ZFHX3: variants seen among roughly 807,000 people sequenced by gnomAD.
The protein encoded by ZFHX3 is zinc finger homeobox protein 3.
Under a neutral mutation model 279.1 loss-of-function variants are expected in ZFHX3, and 42 were observed. The ratio of observed to expected loss-of-function variants is 0.15; its 90% CI spans 0.12 to 0.19. The LOEUF is 0.19. Among genes scored for constraint, ZFHX3 ranks in the 10% least tolerant of loss-of-function variants. The probability of loss-of-function intolerance (pLI) is 1.00; values close to 1 mark genes in which losing one functional copy is unlikely to be tolerated. For missense variants in ZFHX3, 4,981 were observed against 4,754.0 expected (o/e 1.05, Z -1.40); for synonymous variants, 2,293 against 1,957.8 (o/e 1.17, Z -4.52).
intron 1 of ZFHX3, among the ~76,000 whole-genome samples, chr16:73,689,725 T>C (rs1427383791): frequency 6.6e-6 from 1 of 152,250 alleles, no homozygotes; most frequent in African/African-American, 2.4e-5. Context: ...CCTGGGGTTA[T>C]TAATTTTCTT....
chr16:73,569,166 G>A (rs1472947201), intron 2 of ZFHX3, among the ~76,000 whole-genome samples: 1 of 152,100 alleles, frequency 6.6e-6, no homozygotes, highest in Non-Finnish European at 1.5e-5. Flanking sequence ...TTATAAGAAA[G>A]GAGAAAATGG....
chr16:73,372,289 G>A (rs558722163), intron 3 of ZFHX3, among the ~76,000 whole-genome samples: 1 of 152,224 alleles, frequency 6.6e-6, no homozygotes, highest in East Asian at 1.9e-4. Context: ...TATTAAACAA[G>A]GTTTTTTTTT....
At chr16:72,848,821 T>C (rs1256825997) in intron 4 of ZFHX3, among the ~76,000 whole-genome samples, 1 of 152,050 alleles carries the variant, frequency 6.6e-6, no homozygotes, top group Non-Finnish European at 1.5e-5. Flanking sequence ...CCTCTTTCCC[T>C]TTCCCTCGTT....
intron 4 of ZFHX3, among the ~76,000 whole-genome samples, chr16:72,851,961 T>A (rs2037630146): frequency 6.6e-6 from 1 of 152,210 alleles, no homozygotes; most frequent in African/African-American, 2.4e-5. Flanking sequence ...GTTAAACAGC[T>A]TTTGCGTAGA....
intron 3 of ZFHX3, among the ~76,000 whole-genome samples, chr16:73,326,206 T>C (rs2015685603): frequency 6.6e-6 from 1 of 152,270 alleles, no homozygotes; most frequent in Non-Finnish European, 1.5e-5. Flanking sequence ...CTAACACAGA[T>C]AAATCATAAA....
chr16:73,002,737 T>A (rs1458357480), intron 1 of ZFHX3, among the ~76,000 whole-genome samples: 1 of 152,218 alleles, frequency 6.6e-6, no homozygotes, highest in East Asian at 1.9e-4. Context: ...TGCTTTTTTT[T>A]AAATTAGGTT....
intron 4 of ZFHX3, among the ~76,000 whole-genome samples, chr16:72,867,697 C>A (rs1308575950): frequency 3.5e-5 from 5 of 142,650 alleles, no homozygotes; most frequent in African/African-American, 1.1e-4. Flanking sequence ...AAGTAGCGAA[C>A]CCCCAGAGTA....
Position 73,705,823 on chromosome 16 carries a change from C to T in ZFHX3, c.-1607-25583G>A, listed in dbSNP as rs1400703575. On this transcript the variant is annotated intron_variant, in intron 1 of 17. Transcript: ENST00000641206. The stretch of plus-strand genomic sequence containing the variant: ...CTCAGAATCCCTGATTTCCAACCCT[C>T]ATGGACCCATATCCAATTTATGGCC... 2.0e-5 allele frequency among the ~76,000 whole-genome samples: 3 copies of T among 152,202 alleles called. No individual in the cohort carries two copies. In the South Asian group the frequency reaches 6.2e-4, roughly 32 times the overall value.
chr16:72,923,420 G>C (rs1959252236), intron 3 of ZFHX3, among the ~76,000 whole-genome samples: 1 of 150,556 alleles, frequency 6.6e-6, no homozygotes, highest in Admixed American at 6.6e-5. Context: ...ACTCCAGCCT[G>C]GGCGACAGAG....
chr16:73,133,459 A>G (rs1597171999), intron 6 of ZFHX3, among the ~76,000 whole-genome samples: 1 of 152,216 alleles, frequency 6.6e-6, no homozygotes, highest in African/African-American at 2.4e-5. Flanking sequence ...GTCTCAAAAA[A>G]AAAAGAGGTC....
intron 3 of ZFHX3, among the ~76,000 whole-genome samples, chr16:72,925,015 G>A (rs1205008962): frequency 6.6e-6 from 1 of 152,168 alleles, no homozygotes; most frequent in Non-Finnish European, 1.5e-5. Context: ...GCAGTCACGG[G>A]GGTGGTTTGG....
intron 4 of ZFHX3, among the ~76,000 whole-genome samples, chr16:72,863,650 A>C (rs1164820324): frequency 6.6e-6 from 1 of 152,132 alleles, no homozygotes; most frequent in African/African-American, 2.4e-5. Context: ...ATGAAACAGG[A>C]CTGGCTGTGA....
At chr16:73,041,953 T>G (rs1049066429) in intron 1 of ZFHX3, among the ~76,000 whole-genome samples, 2 of 151,964 alleles carry the variant, frequency 1.3e-5, no homozygotes, top group Non-Finnish European at 2.9e-5. Flanking sequence ...AGTTGGGAGA[T>G]GGAGAAGAAA....
At chr16:73,630,186 C>G (rs1294671763) in intron 2 of ZFHX3, among the ~76,000 whole-genome samples, 1 of 152,212 alleles carries the variant, frequency 6.6e-6, no homozygotes, top group African/African-American at 2.4e-5. Flanking sequence ...TTTCAACCTT[C>G]TTTGAAACAG....
At chr16:72,825,924 C>T (rs1165916828) in intron 5 of ZFHX3, among the ~76,000 whole-genome samples, 2 of 152,138 alleles carry the variant, frequency 1.3e-5, no homozygotes, top group African/African-American at 2.4e-5. Context: ...TCTATCCATA[C>T]CAAAAGTTCC....
At chr16:73,611,677 T>G (rs1467727857) in intron 2 of ZFHX3, among the ~76,000 whole-genome samples, 1 of 152,210 alleles carries the variant, frequency 6.6e-6, no homozygotes, top group Non-Finnish European at 1.5e-5. Flanking sequence ...GCAAACAAAG[T>G]CAGGATTCTC....
At chr16:73,396,572 A>T (rs544858343) in intron 3 of ZFHX3, among the ~76,000 whole-genome samples, 1 of 152,214 alleles carries the variant, frequency 6.6e-6, no homozygotes, top group Non-Finnish European at 1.5e-5. Flanking sequence ...GAAACTTACA[A>T]TCATGGCAGA....
Position 72,887,780 on chromosome 16 carries a change from G to A in ZFHX3, c.3448+1951C>T, listed in dbSNP as rs188758815. On this transcript the variant is annotated intron_variant, in intron 4 of 9. Transcript: ENST00000268489. The stretch of plus-strand genomic sequence containing the variant: ...GTGTGTGAGTGTATACAGGGGGTGT[G>A]TGTGTGTACAACGTATGTGGGTATG... Among the ~76,000 whole-genome samples the A allele has an allele frequency of 8.7e-3, 1,319 of 152,136 alleles. 16 individuals carry two copies. The highest frequency in any genetic ancestry group is 0.03 in the African/African-American group (1,237 of 41,466).
intron 2 of ZFHX3, among the ~76,000 whole-genome samples, chr16:73,660,282 G>C (rs970389189): frequency 6.6e-6 from 1 of 152,144 alleles, no homozygotes; most frequent in Non-Finnish European, 1.5e-5. Context: ...TCTATGGAAC[G>C]CTTCTCTACT....
Sources: gnomAD v4.1 joint callset for allele counts (sites outside exome capture counted in the v4.1 genomes callset) on GRCh38, gnomAD v4.1.1 for gene constraint, MANE v1.5 for transcripts, NCBI Gene and HGNC (gene_info 2026-07-23, HGNC 2026-07-21) for gene names.